Variants in CPO observed in about 807,000 individuals in gnomAD.
CPO encodes metallocarboxypeptidase C.
In CPO, 43 loss-of-function variants were observed where a neutral mutation model predicts 41.2. The ratio of observed to expected loss-of-function variants is 1.04; its 90% CI spans 0.82 to 1.35. The LOEUF is 1.35. Among genes scored for constraint, CPO ranks in the 40% most tolerant of loss-of-function variants. CPO has a pLI of 0.00. For missense variants in CPO, 408 were observed against 451.7 expected (o/e 0.90, Z 0.88); for synonymous variants, 178 against 162.7 (o/e 1.09, Z -0.72).
intron 3 of CPO, among the ~76,000 whole-genome samples, chr2:206,956,486 G>C (rs1047546467): frequency 6.6e-6 from 1 of 152,108 alleles, no homozygotes; most frequent in African/African-American, 2.4e-5. Context: ...CCCTGCAAAG[G>C]TCTACTAAGT....
At chr2:206,943,740 A>AGATAGATAGATAGATGATGGATAGAT (rs1559068464) in intron 1 of CPO, among the ~76,000 whole-genome samples, 9 of 122,380 alleles carry the variant, frequency 7.4e-5, no homozygotes, top group East Asian at 2.4e-4. Context: ...ATAGATAGAT[A>AGATAGATAGATAGATGATGGATAGAT]GATAGATAGA....
chr2:206,952,403 A>G (rs1293519525), intron 2 of CPO, among the ~76,000 whole-genome samples: 1 of 152,146 alleles, frequency 6.6e-6, no homozygotes, highest in East Asian at 1.9e-4. Flanking sequence ...ATGAGCCACC[A>G]TGCCCAGCCA....
intron 7 of CPO, among the ~76,000 whole-genome samples, chr2:206,966,227 C>A (rs1236105541): frequency 2.8e-5 from 4 of 140,408 alleles, no homozygotes; most frequent in African/African-American, 2.5e-5. Flanking sequence ...TTGTCTAGGG[C>A]AAGCTGCAGG....
intron 1 of CPO, among the ~76,000 whole-genome samples, chr2:206,944,879 C>A (rs1169714114): frequency 6.6e-6 from 1 of 152,016 alleles, no homozygotes; most frequent in Non-Finnish European, 1.5e-5. Context: ...ATGACTGGAA[C>A]TTGCATTTTA....
Position 206,969,164 on chromosome 2 carries a change from T to G in CPO, c.863-10T>G. ...GACTTCTACCTCTGCCTTCATGTTTTCACCTGTAGATGCCTCATCAGGGTC... is the reference window on the plus strand; with the variant it reads ...GACTTCTACCTCTGCCTTCATGTTTGCACCTGTAGATGCCTCATCAGGGTC... On this transcript the variant is annotated splice_polypyrimidine_tract_variant and intron_variant, in intron 8 of 8. Coordinates refer to ENST00000272852, the MANE Select transcript of CPO (RefSeq NM_173077.3). 6.2e-7 allele frequency: 1 copy of G among 1,612,932 alleles called. No individual in the cohort carries two copies. The highest frequency in any genetic ancestry group is 1.3e-5 in the African/African-American group (1 of 75,034).
At chr2:206,953,141 C>T (rs1037243041) in intron 2 of CPO, among the ~76,000 whole-genome samples, 1 of 152,192 alleles carries the variant, frequency 6.6e-6, no homozygotes, top group Non-Finnish European at 1.5e-5. Context: ...GCTGGCCCTT[C>T]CCAAATCTCA....
At chr2:206,966,036 C>A (rs1010801999) in intron 7 of CPO, among the ~76,000 whole-genome samples, 8 of 152,120 alleles carry the variant, frequency 5.3e-5, no homozygotes, top group Non-Finnish European at 1.2e-4. Flanking sequence ...TCTCTTACTC[C>A]TCTCTGCTTC....
intron 6 of CPO, among the ~76,000 whole-genome samples, chr2:206,961,471 C>T (rs942094088): frequency 5.3e-5 from 8 of 152,126 alleles, no homozygotes; most frequent in Non-Finnish European, 1.2e-4. Flanking sequence ...AAAATTGCTT[C>T]ATCTCTCTGC....
In CPO at chr2:206,969,239, G is replaced by C; in HGVS notation, c.928G>C (p.Glu310Gln). 6.2e-7 allele frequency: 1 copy of C among 1,614,122 alleles called. No homozygotes were observed. The highest frequency in any genetic ancestry group is 8.5e-7 in the Non-Finnish European group (1 of 1,179,992). Residue 310 changes from glutamate to glutamine, a missense_variant, in exon 9 of 9, where the codon GAG (glutamate) becomes CAG (glutamine). Physicochemically the swap from Glu to Gln is conservative, Grantham distance 29. Transcript: ENST00000272852. ...TGGGATTCCCTTCTCATATACGTTT[G>C]AGCTGAGGGACAGTGGAACATATGG... is the stretch of plus-strand genomic sequence containing the variant. Reference protein sequence around the residue: ...DIGIPFSYTFELRDSGTYGFV... With the variant: ...DIGIPFSYTFQLRDSGTYGFV...
At chr2:206,968,010 G>T (rs561672164) in intron 7 of CPO, among the ~76,000 whole-genome samples, 1 of 152,284 alleles carries the variant, frequency 6.6e-6, no homozygotes, top group African/African-American at 2.4e-5. Context: ...AGAATTCTAC[G>T]TGTGTGTTTG....
intron 1 of CPO, among the ~76,000 whole-genome samples, chr2:206,949,247 A>C (rs1304800101): frequency 6.6e-6 from 1 of 152,228 alleles, no homozygotes; most frequent in African/African-American, 2.4e-5. Flanking sequence ...TTTAGAGAGA[A>C]ATAAATGAGA....
intron 7 of CPO, among the ~76,000 whole-genome samples, chr2:206,963,336 T>A (rs1693515074): frequency 1.3e-5 from 2 of 152,230 alleles, no homozygotes. Flanking sequence ...ATTTTTATTT[T>A]TTTTCCGTTT....
At chr2:206,966,201 A>G (rs1693572419) in intron 7 of CPO, among the ~76,000 whole-genome samples, 2 of 129,486 alleles carry the variant, frequency 1.5e-5, no homozygotes, top group Non-Finnish European at 3.5e-5. Flanking sequence ...TGGCAATGTG[A>G]AAAAAAAAAA....
At position 206,969,201 on chromosome 2, in the gene CPO, G is replaced by C. The variant is rs1485253132; in HGVS notation, c.890G>C (p.Trp297Ser). ...GCCTCATCAGGGTCTTCAAGAGATT[G>C]GGCCCGAGACATTGGGATTCCCTTC... ...LYASSGSSRD[W>S]ARDIGIPFSY... The change falls in exon 9 of 9, where the codon TGG (tryptophan) becomes TCG (serine). Residue 297 changes from tryptophan to serine, a missense_variant. Trp to Ser is a radical substitution (Grantham distance 177, BLOSUM62 -3). Transcript: ENST00000272852. The C allele has an allele frequency of 6.2e-7, 1 of 1,614,150 alleles. No individual in the cohort carries two copies. The highest frequency in any genetic ancestry group is 8.5e-7 in the Non-Finnish European group (1 of 1,179,990).
At chr2:206,955,595 A>G (rs6719240) in intron 3 of CPO, 31 bp downstream of exon 3, 42,675 of 1,127,168 alleles carry the variant, frequency 0.038, 2,137 homozygotes, top group African/African-American at 0.17. Context: ...TTACCTTACC[A>G]GGAGAATTAT....
chr2:206,941,162 G>A (rs1006283964), intron 1 of CPO, among the ~76,000 whole-genome samples: 1 of 151,970 alleles, frequency 6.6e-6, no homozygotes, highest in African/African-American at 2.4e-5. Context: ...GTCTGAAAGA[G>A]TTTTATGCAG....
At chr2:206,955,850 T>C (rs1693348380) in intron 3 of CPO, among the ~76,000 whole-genome samples, 2 of 152,202 alleles carry the variant, frequency 1.3e-5, no homozygotes, top group Admixed American at 6.5e-5. Flanking sequence ...TGCCCACTCA[T>C]GCTTCAACTA....
chr2:206,941,960 T>C (rs776612312), intron 1 of CPO, among the ~76,000 whole-genome samples: 1 of 152,078 alleles, frequency 6.6e-6, no homozygotes, highest in Non-Finnish European at 1.5e-5. Context: ...TACTAATTCT[T>C]CTTTCTGGAA....
At position 206,966,645 on chromosome 2, in the gene CPO, C is replaced by T. The variant is rs144022473; in HGVS notation, c.778-1618C>T. Among the ~76,000 whole-genome samples, 622 of 152,252 alleles carry T rather than the reference C, an allele frequency of 4.1e-3. 4 individuals carry two copies. Among genetic ancestry groups the T allele is most frequent in the Non-Finnish European group, 7.1e-3 (483 of 68,022 alleles). On this transcript the variant is annotated intron_variant, in intron 7 of 8. Transcript: ENST00000272852. ...TTATCTCAATTCTGGATAACACAAA[C>T]CCAGGAACTGAGGCAGACTCAGAAT...
Sources: gnomAD v4.1 joint callset for allele counts (sites outside exome capture counted in the v4.1 genomes callset) on GRCh38, gnomAD v4.1.1 for gene constraint, MANE v1.5 for transcripts, NCBI Gene and HGNC (gene_info 2026-07-23, HGNC 2026-07-21) for gene names.